CD74: variants seen among roughly 807,000 people sequenced by gnomAD.
CD74 encodes HLA class II histocompatibility antigen gamma chain.
A neutral mutation model predicts 37.1 loss-of-function variants in CD74; 20 were observed. The observed-to-expected ratio is 0.54, with a 90% CI of 0.38 to 0.78. CD74 has a LOEUF of 0.78. Ranked by LOEUF, CD74 falls within the 30% of genes least tolerant of loss-of-function variation. CD74 has a pLI of 0.00. For synonymous variants in CD74, 150 were observed against 152.0 expected, an observed-to-expected ratio of 0.99 and a Z score of 0.10; for missense variants, 338 against 389.5, an observed-to-expected ratio of 0.87 and a Z score of 1.11.
At chr5:150,406,360 CCTGGAGCAGGGGGT>C (rs1357556746) in intron 3 of CD74, 39 bp from the exon 4 acceptor site, 23 of 1,551,022 alleles carry the variant, frequency 1.5e-5, no homozygotes, top group Non-Finnish European at 2.0e-5. Context: ...AGAGCTGGTC[CCTGGAGCAGGGGGT>C]ATGGAGCAGG....
chr5:150,409,153 G>T (rs568170668), intron 1 of CD74, among the ~76,000 whole-genome samples: 5 of 151,990 alleles, frequency 3.3e-5, no homozygotes, highest in African/African-American at 4.8e-5. Flanking sequence ...AACCCGGGAG[G>T]CGGAGGTTGC....
intron 1 of CD74, among the ~76,000 whole-genome samples, chr5:150,410,564 A>G (rs1197478508): frequency 6.6e-6 from 1 of 151,796 alleles, no homozygotes; most frequent in East Asian, 1.9e-4. Flanking sequence ...TAAGTTTAGC[A>G]TCTGCTTTTC....
Position 150,410,596 on chromosome 5 carries a change from C to T in CD74, c.125+2029G>A, listed in dbSNP as rs527707118. 5.9e-5 allele frequency among the ~76,000 whole-genome samples: 9 copies of T among 151,866 alleles called. No individual in the cohort carries two copies. The South Asian group carries it at 1.7e-3, about 28-fold the overall frequency. On this transcript the variant is annotated intron_variant, in intron 1 of 8. Coordinates refer to ENST00000009530, the MANE Select transcript of CD74 (RefSeq NM_001025159.3). ...TTTCTTCCTCTTTATGCATCTTGAA[C>T]GCCTGTCCCCTGGTTCTGGTAGAGT... is the stretch of plus-strand genomic sequence containing the variant.
At position 150,405,336 on chromosome 5, in the gene CD74, G is replaced by A. The variant is rs369891290; in HGVS notation, c.442-156C>T. ...GGACTTCAGCCATGATGGGAGGGGA[G>A]GGGAGGGTACGGGTAAGGGTAGTCC... On this transcript the variant is annotated intron_variant, in intron 4 of 8. Coordinates refer to ENST00000009530, the MANE Select transcript of CD74 (RefSeq NM_001025159.3). 623 of 1,369,152 alleles carry A rather than the reference G, an allele frequency of 4.6e-4. 6 individuals are homozygous for A. The highest frequency in any genetic ancestry group is 4.5e-3 in the South Asian group (240 of 52,898). 84.8% of individuals were successfully genotyped at this position (1,369,152 alleles called of 1,614,324 possible).
At position 150,402,298 on chromosome 5, in the gene CD74, C is replaced by T. The variant is rs2151166131; in HGVS notation, c.881-48G>A. 3 of 1,404,872 alleles carry T rather than the reference C, an allele frequency of 2.1e-6. No individual in the cohort carries two copies. Among genetic ancestry groups the T allele is most frequent in the South Asian group, 1.2e-5 (1 of 82,868 alleles). 87.0% of individuals were successfully genotyped at this position (1,404,872 alleles called of 1,614,324 possible). A position where few individuals can be genotyped will look rare whatever the true frequency, so the allele number is the denominator to read the frequency against. On this transcript the variant is annotated intron_variant, in intron 8 of 8. Transcript: ENST00000009530. This position sits in a 1 kb window ranked among gnomAD's most constrained non-coding sequence, Gnocchi z 4.2. ...GAGGTTGGGGTCACCCATTTGTTGT[C>T]CCTGCCCCTTTCTAACATCCTGGAC...
chr5:150,406,913 G>C lies in CD74; in HGVS notation c.346C>G (p.Gln116Glu). 1 of 1,534,250 alleles carries C rather than the reference G, an allele frequency of 6.5e-7. No homozygotes were observed. The highest frequency in any genetic ancestry group is 2.3e-5 in the East Asian group (1 of 43,858). ...GGCAGGGCTCCCATGGGCAGCGCCT[G>C]CATCAGCAGCGGGGTGGCCATGCGC... ...KMRMATPLLM[Q>E]ALPMGALPQG... The change falls in exon 3 of 9, where the codon CAG becomes GAG. Residue 116 changes from glutamine (Q) to glutamate (E), a missense_variant. Coordinates refer to ENST00000009530, the MANE Select transcript of CD74 (RefSeq NM_001025159.3).
intron 1 of CD74, among the ~76,000 whole-genome samples, chr5:150,411,463 C>T (rs1770337027): frequency 6.6e-6 from 1 of 152,234 alleles, no homozygotes; most frequent in Non-Finnish European, 1.5e-5. Context: ...GCAGGGTTCT[C>T]CCAAACCCCT....
chr5:150,407,750 G>A lies in CD74; in HGVS notation c.126-426C>T, dbSNP rs773207222. On this transcript the variant is annotated intron_variant, in intron 1 of 8. Coordinates refer to ENST00000009530, the MANE Select transcript of CD74 (RefSeq NM_001025159.3). This position sits in a 1 kb window ranked among gnomAD's most constrained non-coding sequence, Gnocchi z 4.4. Reference sequence around the variant, plus strand: ...GGGGAACAGGTTTGGTTTTTGTTTTGTTTTGTTTTGTTTTGTTTTTTGAGA... The same window carrying A: ...GGGGAACAGGTTTGGTTTTTGTTTTATTTTGTTTTGTTTTGTTTTTTGAGA... 1.3e-5 allele frequency among the ~76,000 whole-genome samples: 2 copies of A among 151,934 alleles called. No individual in the cohort carries two copies. Among genetic ancestry groups the A allele is most frequent in the African/African-American group, 2.4e-5 (1 of 41,334 alleles).
rs777019937 is a variant in CD74 at position 150,407,299 on chromosome 5, T to C, written c.151A>G (p.Thr51Ala). The C allele has an allele frequency of 5.0e-6, 8 of 1,611,158 alleles. No homozygotes were observed. The highest frequency in any genetic ancestry group is 8.5e-7 in the Non-Finnish European group (1 of 1,178,958). The change falls in exon 2 of 9, where the codon ACA (threonine) becomes GCA (alanine). Residue 51 changes from threonine to alanine, a missense_variant. Coordinates refer to ENST00000009530, the MANE Select transcript of CD74 (RefSeq NM_001025159.3). The surrounding 1 kb of genome is among the most constrained non-coding windows in gnomAD (Gnocchi z 4.4). ...ESKCSRGALY[T>A]GFSILVTLLL... ...AGAGTCACCAGGATGGAAAAGCCTG[T>C]GTACAGGGCTCCGCGGCTGCACTTG...
intron 1 of CD74, among the ~76,000 whole-genome samples, chr5:150,411,304 G>A (rs1216651078): frequency 6.6e-6 from 1 of 152,188 alleles, no homozygotes; most frequent in Non-Finnish European, 1.5e-5. Context: ...ATTTATCCAA[G>A]GTCACGCGTG....
Position 150,405,175 on chromosome 5 carries a change from A to C in CD74, c.447T>G (p.Ala149=), listed in dbSNP as rs1226546417. 6.3e-6 allele frequency: 10 copies of C among 1,598,654 alleles called. No individual in the cohort carries two copies. Among genetic ancestry groups the C allele is most frequent in the Non-Finnish European group, 8.5e-6 (10 of 1,173,832 alleles). The change falls in exon 5 of 9, where the codon GCT becomes GCG. Residue 149 remains alanine, a synonymous_variant. Transcript: ENST00000009530. ...EDHVMHLLQN[A]DPLKVYPPLK... ...GTGGCGGGTACACCTTCAGGGGGTC[A>C]GCATTCTACAGGGTAGCAGGGCAGG... is the stretch of plus-strand genomic sequence containing the variant.
Position 150,403,299 on chromosome 5 carries a change from G to A in CD74, c.639C>T (p.Cys213=), listed in dbSNP as rs2151170300. The A allele has an allele frequency of 1.2e-6, 2 of 1,613,974 alleles. No homozygotes were observed. The highest frequency in any genetic ancestry group is 1.7e-6 in the Non-Finnish European group (2 of 1,179,868). ...CAGGGATGTGGCTGACCTCTTCCTG[G>A]CACTTGGTCAGTACTGAAGCGACAG... ...TDAPPKVLTK[C]QEEVSHIPAV... is the part of the protein sequence containing the mutation. The change falls in exon 7 of 9, where the codon TGC becomes TGT. Residue 213 remains cysteine, a synonymous_variant. Coordinates refer to ENST00000009530, the MANE Select transcript of CD74 (RefSeq NM_001025159.3). The surrounding 1 kb of genome is among the most constrained non-coding windows in gnomAD (Gnocchi z 4.5).
intron 1 of CD74, among the ~76,000 whole-genome samples, chr5:150,412,346 G>T (rs2151187091): frequency 6.6e-6 from 1 of 152,348 alleles, no homozygotes; most frequent in East Asian, 1.9e-4. Context: ...GAAACTCTAG[G>T]GAGAGAACCC....
chr5:150,406,790 G>A (rs1349364215), intron 3 of CD74, 91 bp downstream of exon 3: 4 of 841,972 alleles, frequency 4.8e-6, no homozygotes, highest in African/African-American at 3.4e-5. Context: ...CCCTCCCCAG[G>A]TGGGCTCTCT....
At chr5:150,406,072 AG>A (rs1769943600) in intron 4 of CD74, 186 bp downstream of exon 4, 1 of 548,354 alleles carries the variant, frequency 1.8e-6, no homozygotes, top group African/African-American at 1.9e-5. Context: ...CACCCAGCCG[AG>A]CCTGTTTATC....
chr5:150,403,848 G>C lies in CD74; in HGVS notation c.626-536C>G, dbSNP rs1207311176. Among the ~76,000 whole-genome samples the C allele has an allele frequency of 6.6e-6, 1 of 152,238 alleles. No individual in the cohort carries two copies. Among genetic ancestry groups the C allele is most frequent in the Non-Finnish European group, 1.5e-5 (1 of 68,048 alleles). On this transcript the variant is annotated intron_variant, in intron 6 of 8. Coordinates refer to ENST00000009530, the MANE Select transcript of CD74 (RefSeq NM_001025159.3). The surrounding 1 kb of genome is among the most constrained non-coding windows in gnomAD (Gnocchi z 4.5). ...CACTCCAGCCTGGGCGACAGAGCCAGACTCTATCTCAAAAACAAACAATCA... is the reference window on the plus strand; with the variant it reads ...CACTCCAGCCTGGGCGACAGAGCCACACTCTATCTCAAAAACAAACAATCA...
chr5:150,406,248 C>T lies in CD74; in HGVS notation c.441+11G>A, dbSNP rs770830127. 1.2e-6 allele frequency: 2 copies of T among 1,612,512 alleles called. No homozygotes were observed. The highest frequency in any genetic ancestry group is 1.1e-5 in the South Asian group (1 of 91,056). On this transcript the variant is annotated intron_variant, in intron 4 of 8. Transcript: ENST00000009530. ...GCAGGCAGGACCACCCAGCTAGCTC[C>T]CTGCACTCACCTGGAGCAGGTGCAT...
Position 150,404,685 on chromosome 5 carries a change from G to C in CD74, c.620C>G (p.Pro207Arg), listed in dbSNP as rs750969748. 2 of 1,570,504 alleles carry C rather than the reference G, an allele frequency of 1.3e-6. No homozygotes were observed. The highest frequency in any genetic ancestry group is 1.7e-6 in the Non-Finnish European group (2 of 1,155,598). ...AAAGCTCCCACTCCCTGTACCTTTCGGTGGAGCGTCAGTGGGCTTTTGCTC... is the reference window on the plus strand; with the variant it reads ...AAAGCTCCCACTCCCTGTACCTTTCCGTGGAGCGTCAGTGGGCTTTTGCTC... ...SLEQKPTDAP[P>R]KVLTKCQEEV... The change falls in exon 6 of 9, where the codon CCG becomes CGG. Residue 207 changes from proline to arginine, a missense_variant. By Grantham distance (103) the Pro-to-Arg change is moderately radical. Transcript: ENST00000009530.
chr5:150,410,038 G>A (rs962282708), intron 1 of CD74, among the ~76,000 whole-genome samples: 6 of 142,432 alleles, frequency 4.2e-5, no homozygotes, highest in African/African-American at 1.3e-4. Flanking sequence ...AGAGTTATTC[G>A]GGAAGGAAAC....
Sources: gnomAD v4.1 joint callset for allele counts (sites outside exome capture counted in the v4.1 genomes callset) on GRCh38, gnomAD v4.1.1 for gene constraint, Gnocchi (gnomAD v3.1) non-coding constraint, MANE v1.5 for transcripts, NCBI Gene and HGNC (gene_info 2026-07-23, HGNC 2026-07-21) for gene names.